NPAS3: variants seen among roughly 807,000 people sequenced by gnomAD.
NPAS3 encodes the protein neuronal PAS domain-containing protein 3.
In NPAS3, 14 loss-of-function variants were observed where a neutral mutation model predicts 73.1. The ratio of observed to expected loss-of-function variants is 0.19; its 90% CI spans 0.13 to 0.30. The LOEUF (loss-of-function observed/expected upper bound fraction) is 0.30. NPAS3 is among the 10% of genes least tolerant of loss of function. The pLI is 1.00. For synonymous variants in NPAS3, 620 were observed against 541.5 expected, an observed-to-expected ratio of 1.14 and a Z score of -2.01; for missense variants, 1,096 against 1,250.0, an observed-to-expected ratio of 0.88 and a Z score of 1.86.
At chr14:33,036,683 G>A (rs2040181005) in intron 1 of NPAS3, among the ~76,000 whole-genome samples, 1 of 152,088 alleles carries the variant, frequency 6.6e-6, no homozygotes, top group African/African-American at 2.4e-5. Context: ...TCGTCATATA[G>A]TATGGAAGGA....
intron 4 of NPAS3, among the ~76,000 whole-genome samples, chr14:33,471,529 C>T (rs1367894540): frequency 7.9e-5 from 12 of 152,058 alleles, no homozygotes; most frequent in Non-Finnish European, 1.0e-4. Context: ...CCATTATTGC[C>T]CCCGGATGTG....
intron 4 of NPAS3, among the ~76,000 whole-genome samples, chr14:33,477,715 C>G (rs1471282243): frequency 1.3e-5 from 2 of 152,148 alleles, no homozygotes; most frequent in African/African-American, 4.8e-5. Context: ...CCTTACAGCC[C>G]TTCAAGCCTC....
chr14:33,754,969 G>A (rs961248039), intron 7 of NPAS3, among the ~76,000 whole-genome samples: 4 of 152,242 alleles, frequency 2.6e-5, no homozygotes, highest in Non-Finnish European at 4.4e-5. Context: ...GACAGTGAGA[G>A]TTAGCCAAAT....
chr14:33,676,910 T>C (rs1158394670), intron 6 of NPAS3, among the ~76,000 whole-genome samples: 1 of 152,224 alleles, frequency 6.6e-6, no homozygotes, highest in Non-Finnish European at 1.5e-5. Flanking sequence ...ACTGCCTTTC[T>C]ACCCTCAGTA....
intron 7 of NPAS3, among the ~76,000 whole-genome samples, chr14:33,752,238 T>C (rs1325806753): frequency 6.6e-6 from 1 of 152,168 alleles, no homozygotes; most frequent in Non-Finnish European, 1.5e-5. Flanking sequence ...GCTGCTTCAT[T>C]TTATTTTATT....
At chr14:33,089,473 A>G (rs1038894187) in intron 2 of NPAS3, among the ~76,000 whole-genome samples, 4 of 152,180 alleles carry the variant, frequency 2.6e-5, no homozygotes, top group Non-Finnish European at 4.4e-5. Flanking sequence ...GAAATGAACA[A>G]AGCCTCCAAG....
chr14:33,638,099 A>G (rs1424925200), intron 5 of NPAS3, among the ~76,000 whole-genome samples: 3 of 152,238 alleles, frequency 2.0e-5, no homozygotes, highest in Non-Finnish European at 1.5e-5. Context: ...TGTTGGTGAC[A>G]TGGTCTATCA....
chr14:33,188,108 T>C (rs2046045178), intron 2 of NPAS3, among the ~76,000 whole-genome samples: 1 of 152,236 alleles, frequency 6.6e-6, no homozygotes, highest in South Asian at 2.1e-4. Flanking sequence ...TCAATTCCAA[T>C]TCAGTGCCTC....
At chr14:33,799,690 TTCTCTCTCC>T (rs2063623600) in intron 11 of NPAS3, 35 bp from the exon 12 acceptor site, 1 of 1,542,264 alleles carries the variant, frequency 6.5e-7, no homozygotes, top group African/African-American at 1.4e-5. Context: ...CTTCTCTCTC[TTCTCTCTCC>T]GCCCCCGCCA....
At chr14:33,771,682 G>A (rs1185173298) in intron 7 of NPAS3, among the ~76,000 whole-genome samples, 1 of 151,960 alleles carries the variant, frequency 6.6e-6, no homozygotes, top group Non-Finnish European at 1.5e-5. Context: ...CATGGTGGCG[G>A]GGCCTGTGGT....
At chr14:33,149,423 G>C (rs543439623) in intron 2 of NPAS3, among the ~76,000 whole-genome samples, 1 of 152,278 alleles carries the variant, frequency 6.6e-6, no homozygotes, top group East Asian at 1.9e-4. Flanking sequence ...ACCTTCTCAT[G>C]ACTATCTTCT....
chr14:33,700,049 G>A (rs1392853506), intron 6 of NPAS3, among the ~76,000 whole-genome samples: 1 of 152,088 alleles, frequency 6.6e-6, no homozygotes, highest in African/African-American at 2.4e-5. Context: ...TGTTCCCTCT[G>A]GGGAAGGTTC....
intron 9 of NPAS3, among the ~76,000 whole-genome samples, chr14:33,785,748 T>C (rs1361612986): frequency 1.3e-5 from 2 of 152,134 alleles, no homozygotes. Context: ...AACTCCCACA[T>C]CTTCTCTGGC....
At chr14:33,213,612 T>G (rs988775507) in intron 2 of NPAS3, 1 of 152,188 alleles carries the variant, frequency 6.6e-6, no homozygotes, top group African/African-American at 2.4e-5. Flanking sequence ...ACAAAACATG[T>G]CTTTTCCTTG....
chr14:33,789,384 G>C (rs1297160111), intron 9 of NPAS3, among the ~76,000 whole-genome samples: 1 of 152,088 alleles, frequency 6.6e-6, no homozygotes, highest in Non-Finnish European at 1.5e-5. Flanking sequence ...TACACCCTGG[G>C]CTTCAGAGGA....
At chr14:33,229,591 A>G (rs559520410) in intron 3 of NPAS3, among the ~76,000 whole-genome samples, 1 of 152,314 alleles carries the variant, frequency 6.6e-6, no homozygotes, top group East Asian at 1.9e-4. Context: ...AAATTAGCAC[A>G]AAGGGAGGGA....
At chr14:33,388,600 A>G (rs2046871622) in intron 4 of NPAS3, among the ~76,000 whole-genome samples, 1 of 152,140 alleles carries the variant, frequency 6.6e-6, no homozygotes, top group African/African-American at 2.4e-5. Flanking sequence ...TTAAGTTATA[A>G]CTTGAGGCTC....
intron 3 of NPAS3, among the ~76,000 whole-genome samples, chr14:33,309,566 G>C (rs2042917227): frequency 6.6e-6 from 1 of 152,184 alleles, no homozygotes; most frequent in African/African-American, 2.4e-5. Context: ...TCTCTAAGAA[G>C]CTTGGAGTAG....
chr14:33,272,378 C>T (rs1431562650), intron 3 of NPAS3, among the ~76,000 whole-genome samples: 2 of 152,112 alleles, frequency 1.3e-5, no homozygotes, highest in African/African-American at 4.8e-5. Flanking sequence ...TCTTAAGTAT[C>T]TCTTAGAAGG....
Sources: allele counts gnomAD v4.1 joint callset (sites outside exome capture counted in the v4.1 genomes callset), GRCh38; gene constraint gnomAD v4.1.1; transcripts MANE v1.5; gene names NCBI Gene and HGNC (gene_info 2026-07-23, HGNC 2026-07-21).